TRAPPC9: variants seen among roughly 807,000 people sequenced by gnomAD.
The protein encoded by TRAPPC9 is IKK2 binding protein.
A neutral mutation model predicts 124.0 loss-of-function variants in TRAPPC9; 83 were observed. The ratio of observed to expected loss-of-function variants is 0.67; its 90% CI spans 0.56 to 0.80. The LOEUF (loss-of-function observed/expected upper bound fraction) is 0.80. Ranked by LOEUF, TRAPPC9 falls within the 30% of genes least tolerant of loss-of-function variation. TRAPPC9 has a pLI of 0.00. For missense variants in TRAPPC9, 1,302 were observed against 1,508.3 expected, an observed-to-expected ratio of 0.86 and a Z score of 2.27; for synonymous variants, 638 against 617.5, an observed-to-expected ratio of 1.03 and a Z score of -0.49.
Position 140,439,175 on chromosome 8 carries a change from C to T in TRAPPC9, c.607G>A (p.Gly203Ser), listed in dbSNP as rs565126138. ...DSRHYKKRCQ[G>S]RMRKHVGDLC... ...TCCCCCACGTGCTTCCGCATGCGGC[C>T]TTGGCACCGCTTCTTGTAATGTCTA... Residue 203 changes from glycine to serine, a missense_variant, in exon 3 of 23, where the codon GGC (glycine) becomes AGC (serine). This residue lies in a region of TRAPPC9 where 657 missense variants were observed against 811.2 expected (regional missense o/e 0.81). Coordinates refer to ENST00000438773, the MANE Select transcript of TRAPPC9 (RefSeq NM_001160372.4). 1.2e-6 allele frequency: 2 copies of T among 1,614,172 alleles called. No homozygotes were observed. Among genetic ancestry groups the T allele is most frequent in the African/African-American group, 2.7e-5 (2 of 75,054 alleles).
At chr8:139,806,838 CTTCCTCACTCCTCTGG>C (rs1382928236) in intron 21 of TRAPPC9, among the ~76,000 whole-genome samples, 1 of 152,230 alleles carries the variant, frequency 6.6e-6, no homozygotes, top group Non-Finnish European at 1.5e-5. Context: ...GAGAGAGAGG[CTTCCTCACTCCTCTGG>C]TGTGCACACG....
chr8:140,451,447 G>C, intron 1 of TRAPPC9, 64 bp from the exon 2 acceptor site: 2 of 1,402,600 alleles, frequency 1.4e-6, no homozygotes, highest in Non-Finnish European at 2.0e-6. Flanking sequence ...GCCTACCCTG[G>C]GAGGCAGTGA....
intron 18 of TRAPPC9, among the ~76,000 whole-genome samples, chr8:140,001,798 C>T (rs1838420089): frequency 6.6e-6 from 1 of 152,154 alleles, no homozygotes; most frequent in Non-Finnish European, 1.5e-5. Context: ...AATGGTACTA[C>T]CACTCTGGAA....
chr8:140,220,592 A>G (rs2063317124), intron 17 of TRAPPC9, among the ~76,000 whole-genome samples: 1 of 152,110 alleles, frequency 6.6e-6, no homozygotes, highest in Non-Finnish European at 1.5e-5. Context: ...GAACTGGCCT[A>G]TTCCTTCTTG....
Position 140,063,800 on chromosome 8 carries a change from G to A in TRAPPC9, c.2557-39721C>T, listed in dbSNP as rs1025466967. Among the ~76,000 whole-genome samples, 2 of 152,126 alleles carry A rather than the reference G, an allele frequency of 1.3e-5. No homozygotes were observed. The highest frequency in any genetic ancestry group is 4.8e-5 in the African/African-American group (2 of 41,430). On this transcript the variant is annotated intron_variant, in intron 17 of 22. Transcript: ENST00000438773. The surrounding 1 kb of genome is among the most constrained non-coding windows in gnomAD (Gnocchi z 4.3). ...TCAAATTTCTCCGAGTGTCTCCTCA[G>A]TGGCCCATGTTGCCTGCTCTCTTGT... is the stretch of plus-strand genomic sequence containing the variant.
intron 17 of TRAPPC9, chr8:140,099,317 A>C (rs2060525423): frequency 6.6e-6 from 1 of 151,240 alleles, no homozygotes; most frequent in Non-Finnish European, 1.5e-5. Flanking sequence ...GTCTCTGCGC[A>C]ACTGCAGTAG....
rs186852848 is a variant in TRAPPC9, at chr8:140,173,763, A to G, written c.2556+47696T>C. Among the ~76,000 whole-genome samples, 42 of 152,288 alleles carry G rather than the reference A, an allele frequency of 2.8e-4. No homozygotes were observed. In the East Asian group the frequency reaches 6.8e-3, roughly 24 times the overall value. ...AAACTTAGCTATCCATGCATTGGAA[A>G]TATTTATCAGGAAGATTTCATCAAT... is the stretch of plus-strand genomic sequence containing the variant. On this transcript the variant is annotated intron_variant, in intron 17 of 22. Transcript: ENST00000438773.
At chr8:140,392,612 C>T (rs1334049116) in intron 7 of TRAPPC9, among the ~76,000 whole-genome samples, 5 of 152,194 alleles carry the variant, frequency 3.3e-5, no homozygotes, top group Admixed American at 2.6e-4. Flanking sequence ...ACGGACACAG[C>T]GCCGAGTGCC....
At chr8:140,123,599 C>T (rs1051724784) in intron 17 of TRAPPC9, among the ~76,000 whole-genome samples, 1 of 152,252 alleles carries the variant, frequency 6.6e-6, no homozygotes, top group African/African-American at 2.4e-5. Flanking sequence ...CTTCTCACCC[C>T]ACTGCACCTT....
At chr8:140,209,272 G>A (rs2063000821) in intron 17 of TRAPPC9, among the ~76,000 whole-genome samples, 1 of 152,186 alleles carries the variant, frequency 6.6e-6, no homozygotes, top group Admixed American at 6.5e-5. Flanking sequence ...GCTCAGGAAC[G>A]TCGCCTTGTT....
At chr8:140,404,909 C>CGTGT (rs71320356) in intron 6 of TRAPPC9, among the ~76,000 whole-genome samples, 3,784 of 119,990 alleles carry the variant, frequency 0.032, 77 homozygotes, top group African/African-American at 0.062. Context: ...TGTGAGCATG[C>CGTGT]GTGTGTGTGT....
chr8:139,968,443 T>C (rs1835851473), intron 19 of TRAPPC9, among the ~76,000 whole-genome samples: 1 of 151,990 alleles, frequency 6.6e-6, no homozygotes, highest in South Asian at 2.1e-4. Context: ...TGAAATATGG[T>C]GGGGACAAGG....
chr8:140,331,264 A>G (rs1234093390), intron 9 of TRAPPC9, among the ~76,000 whole-genome samples: 2 of 152,168 alleles, frequency 1.3e-5, no homozygotes, highest in Non-Finnish European at 2.9e-5. Flanking sequence ...AACTGGATAT[A>G]AGTATGCAGA....
intron 18 of TRAPPC9, among the ~76,000 whole-genome samples, chr8:140,008,747 G>T (rs193162093): frequency 1.5e-3 from 224 of 152,272 alleles, no homozygotes; most frequent in Non-Finnish European, 2.2e-3. Flanking sequence ...ATACAGAATG[G>T]TTTTTTTAGA....
At position 140,439,135 on chromosome 8, in the gene TRAPPC9, G is replaced by A. The variant is rs199988664; in HGVS notation, c.647C>T (p.Ala216Val). The change falls in exon 3 of 23, where the codon GCA (alanine) becomes GTA (valine). Residue 216 changes from alanine (A) to valine (V), a missense_variant. Ala to Val is a moderately conservative substitution (Grantham distance 64). Coordinates refer to ENST00000438773, the MANE Select transcript of TRAPPC9 (RefSeq NM_001160372.4). ...CACCAGGGAGTCCTGCAGCATCCCT[G>A]CCTGCAGGCACAGGTCCCCCACGTG... ...RKHVGDLCLQ[A>V]GMLQDSLVHY... 2 of 1,614,042 alleles carry A rather than the reference G, an allele frequency of 1.2e-6. No individual in the cohort carries two copies. Among genetic ancestry groups the A allele is most frequent in the African/African-American group, 2.7e-5 (2 of 75,014 alleles).
At position 140,289,188 on chromosome 8, in the gene TRAPPC9, T is replaced by TA. The variant is rs1379103961; in HGVS notation, c.1855-1455_1855-1454insT. 2.3e-4 allele frequency among the ~76,000 whole-genome samples: 28 copies of TA among 121,562 alleles called. No individual in the cohort carries two copies. The East Asian group carries it at 2.8e-3, about 12-fold the overall frequency. 79.7% of individuals were successfully genotyped at this position (121,562 alleles called of 152,430 possible). ...GATATATATATAGTGTGTGTGTGTG[T>TA]GTGTGTGTGTGTGTGTGTGTGTGTG... is the stretch of plus-strand genomic sequence containing the variant. On this transcript the variant is annotated intron_variant, in intron 12 of 22. Coordinates refer to ENST00000438773, the MANE Select transcript of TRAPPC9 (RefSeq NM_001160372.4).
intron 13 of TRAPPC9, among the ~76,000 whole-genome samples, chr8:140,286,418 G>A (rs377745836): frequency 1.6e-4 from 25 of 152,168 alleles, no homozygotes; most frequent in Non-Finnish European, 3.1e-4. Context: ...GGCCACAGAT[G>A]GGAGGTGGGT....
At chr8:140,421,157 C>T (rs2070190084) in intron 5 of TRAPPC9, among the ~76,000 whole-genome samples, 1 of 152,124 alleles carries the variant, frequency 6.6e-6, no homozygotes, top group Non-Finnish European at 1.5e-5. Flanking sequence ...GCACTAGCCA[C>T]AGTGATGATT....
chr8:139,899,643 C>G (rs1243849485), intron 20 of TRAPPC9, among the ~76,000 whole-genome samples: 4 of 152,270 alleles, frequency 2.6e-5, no homozygotes, highest in South Asian at 2.1e-4. Context: ...ATAATTACCC[C>G]CAAGAGAGAG....
Sources: allele counts gnomAD v4.1 joint callset (sites outside exome capture counted in the v4.1 genomes callset), GRCh38; gene constraint gnomAD v4.1.1; regional missense constraint gnomAD v4.1.1; non-coding constraint Gnocchi (gnomAD v3.1); transcripts MANE v1.5; gene names NCBI Gene and HGNC (gene_info 2026-07-23, HGNC 2026-07-21).